Variants in DIAPH2 observed in about 807,000 individuals in gnomAD.
DIAPH2 encodes the protein protein diaphanous homolog 2.
In DIAPH2, 35 loss-of-function variants were observed where a neutral mutation model predicts 92.7. The observed-to-expected ratio is 0.38, with a 90% CI of 0.29 to 0.50. The LOEUF (loss-of-function observed/expected upper bound fraction) is 0.50, where lower values mean the gene tolerates loss of function less well. Among genes scored for constraint, DIAPH2 ranks in the 20% least tolerant of loss-of-function variants. The probability of loss-of-function intolerance (pLI) is 0.94; values close to 1 mark genes in which losing one functional copy is unlikely to be tolerated. For missense variants in DIAPH2, 701 were observed against 819.5 expected (o/e 0.86, Z 1.77); for synonymous variants, 301 against 280.4 (o/e 1.07, Z -0.73).
intron 23 of DIAPH2, among the ~76,000 whole-genome samples, chrX:97,306,423 T>C (rs2068747503): frequency 9.0e-6 from 1 of 111,319 alleles, no homozygotes; most frequent in Non-Finnish European, 1.9e-5. Flanking sequence ...ATCTGGAATG[T>C]TCAAATCTTG....
intron 5 of DIAPH2, among the ~76,000 whole-genome samples, chrX:96,888,965 C>T (rs1454608709): frequency 1.8e-5 from 2 of 110,781 alleles, no homozygotes; most frequent in African/African-American, 3.3e-5. Flanking sequence ...TATTCTTTCA[C>T]TGTTGTTAGT....
intron 5 of DIAPH2, among the ~76,000 whole-genome samples, chrX:96,894,042 A>G (rs1185921016): frequency 9.0e-6 from 1 of 111,153 alleles, no homozygotes; most frequent in African/African-American, 3.2e-5. Context: ...AGAAGATAAC[A>G]TAATGTTATA....
intron 26 of DIAPH2, among the ~76,000 whole-genome samples, chrX:97,437,196 T>A (rs756430957): frequency 4.5e-5 from 5 of 112,102 alleles, no homozygotes; most frequent in Admixed American, 3.8e-4. Context: ...TCTTTCTCCC[T>A]GAAGATAAGT....
intron 22 of DIAPH2, among the ~76,000 whole-genome samples, chrX:97,154,449 G>A (rs898349847): frequency 1.9e-4 from 21 of 111,663 alleles, no homozygotes; most frequent in African/African-American, 6.8e-4. Flanking sequence ...ATATTTTAAT[G>A]GGAAGGTCAA....
At chrX:97,107,219 C>T (rs919169359) in intron 20 of DIAPH2, among the ~76,000 whole-genome samples, 2 of 110,123 alleles carry the variant, frequency 1.8e-5, no homozygotes, top group East Asian at 2.8e-4. Context: ...TGCTCTGTCT[C>T]GGCCTCCCAA....
chrX:97,247,890 G>C, intron 23 of DIAPH2, 51 bp downstream of exon 23: 1 of 1,106,692 alleles, frequency 9.0e-7, no homozygotes, highest in Non-Finnish European at 1.2e-6. Context: ...CTCTATGTCT[G>C]TCTGTTTACT....
At chrX:97,010,251 T>C (rs1019554364) in intron 17 of DIAPH2, among the ~76,000 whole-genome samples, 6 of 110,599 alleles carry the variant, frequency 5.4e-5, no homozygotes, top group African/African-American at 2.0e-4. Context: ...AGTCCCACAA[T>C]CATTGTGCTC....
intron 26 of DIAPH2, among the ~76,000 whole-genome samples, chrX:97,438,359 GTTTT>G (rs1238654436): frequency 2.9e-5 from 1 of 34,581 alleles, no homozygotes; most frequent in African/African-American, 1.2e-4. Context: ...TTGTTTGTTT[GTTTT>G]TTTTTTTTTT....
At chrX:97,113,811 A>G (rs1313772239) in intron 20 of DIAPH2, among the ~76,000 whole-genome samples, 1 of 111,988 alleles carries the variant, frequency 8.9e-6, no homozygotes, top group Non-Finnish European at 1.9e-5. Flanking sequence ...TATATACAAA[A>G]CCAAATATAA....
At position 96,791,891 on chromosome X, in the gene DIAPH2, A is replaced by G. The variant is rs780836137; in HGVS notation, c.447+33633A>G. ...TTTAGGAGGCGGCTGAAATTCAGAG[A>G]AGTTAACTAACTTACCCAGGGTTAG... On this transcript the variant is annotated intron_variant, in intron 4 of 26. Coordinates refer to ENST00000324765, the MANE Select transcript of DIAPH2 (RefSeq NM_006729.5). 5.4e-5 allele frequency among the ~76,000 whole-genome samples: 6 copies of G among 110,603 alleles called. No homozygotes were observed. The South Asian group carries it at 2.3e-3, about 43-fold the overall frequency.
intron 22 of DIAPH2, among the ~76,000 whole-genome samples, chrX:97,230,636 C>A (rs1018286007): frequency 6.2e-5 from 7 of 112,256 alleles, no homozygotes; most frequent in African/African-American, 1.9e-4. Context: ...CTAACTGCAA[C>A]CTCTGCTTCC....
chrX:97,201,272 C>T (rs138343356), intron 22 of DIAPH2, among the ~76,000 whole-genome samples: 1,674 of 108,098 alleles, frequency 0.015, 31 homozygotes, highest in African/African-American at 0.054. Flanking sequence ...TCCAAATGAA[C>T]GCAACACCTC....
At chrX:96,949,174 T>C in intron 15 of DIAPH2, 135 bp downstream of exon 15, 2 of 369,851 alleles carry the variant, frequency 5.4e-6, no homozygotes, top group East Asian at 4.4e-5. Context: ...GAAATAACTA[T>C]ACAGATTTTA....
chrX:97,005,180 T>C (rs1455671858), intron 17 of DIAPH2, among the ~76,000 whole-genome samples: 1 of 111,813 alleles, frequency 8.9e-6, no homozygotes, highest in Admixed American at 9.5e-5. Flanking sequence ...TTCTAATGTA[T>C]TGTTGAATTC....
At chrX:97,532,371 G>A (rs2071066093) in intron 26 of DIAPH2, among the ~76,000 whole-genome samples, 1 of 112,657 alleles carries the variant, frequency 8.9e-6, no homozygotes, top group South Asian at 3.6e-4. Flanking sequence ...AGGCAGTTTG[G>A]TGAGCTGTAA....
chrX:97,587,523 C>A (rs1327050217), intron 26 of DIAPH2, among the ~76,000 whole-genome samples: 2 of 111,985 alleles, frequency 1.8e-5, no homozygotes, highest in Non-Finnish European at 3.8e-5. Flanking sequence ...AAAATACCCT[C>A]GCCTATGATG....
chrX:97,543,974 C>T (rs948935880), intron 26 of DIAPH2, among the ~76,000 whole-genome samples: 2 of 112,077 alleles, frequency 1.8e-5, no homozygotes, highest in Non-Finnish European at 3.8e-5. Context: ...TTCTCTATCG[C>T]GCTCAGATCT....
chrX:96,956,511 A>G (rs1160182794), intron 15 of DIAPH2, among the ~76,000 whole-genome samples: 1 of 111,609 alleles, frequency 9.0e-6, no homozygotes, highest in African/African-American at 3.3e-5. Context: ...TTTCTTTACT[A>G]CTGCATTGTC....
chrX:97,429,309 A>T (rs1303566090), intron 25 of DIAPH2, among the ~76,000 whole-genome samples: 1 of 111,891 alleles, frequency 8.9e-6, no homozygotes, highest in Non-Finnish European at 1.9e-5. Flanking sequence ...AAGCTGAGTC[A>T]GTGGTTTCTT....
Sources: gnomAD v4.1 joint callset for allele counts (sites outside exome capture counted in the v4.1 genomes callset) on GRCh38, gnomAD v4.1.1 for gene constraint, MANE v1.5 for transcripts, NCBI Gene and HGNC (gene_info 2026-07-23, HGNC 2026-07-21) for gene names.